Variants in SSBP2 observed in about 807,000 individuals in gnomAD.
SSBP2 encodes the protein single stranded DNA binding protein 2, also known as single-stranded DNA-binding protein 2.
SSBP2 carries 17 observed loss-of-function variants against 61.8 expected under a neutral mutation model. The observed-to-expected ratio is 0.28, with a 90% confidence interval of 0.19 to 0.41. The LOEUF (loss-of-function observed/expected upper bound fraction) is 0.41. Among genes scored for constraint, SSBP2 ranks in the 10% least tolerant of loss-of-function variants. The probability of loss-of-function intolerance (pLI) is 1.00; values close to 1 mark genes in which losing one functional copy is unlikely to be tolerated. For synonymous variants in SSBP2, 139 were observed against 141.3 expected, an observed-to-expected ratio of 0.98 and a Z score of 0.12; for missense variants, 310 against 458.7, an observed-to-expected ratio of 0.68 and a Z score of 2.96.
intron 4 of SSBP2, among the ~76,000 whole-genome samples, chr5:81,573,613 G>C (rs1773985978): frequency 6.6e-6 from 1 of 152,182 alleles, no homozygotes; most frequent in African/African-American, 2.4e-5. Context: ...GAAATTGCTA[G>C]TGCCCTTAGA....
chr5:81,459,891 G>A (rs1440102156), intron 10 of SSBP2, among the ~76,000 whole-genome samples: 1 of 152,164 alleles, frequency 6.6e-6, no homozygotes, highest in South Asian at 2.1e-4. Flanking sequence ...ACTATTTTAG[G>A]AGAAAGACTT....
intron 10 of SSBP2, among the ~76,000 whole-genome samples, chr5:81,460,189 T>C (rs1489364752): frequency 2.0e-5 from 3 of 152,198 alleles, no homozygotes; most frequent in Non-Finnish European, 2.9e-5. Flanking sequence ...CCAATGAAGA[T>C]ACCTTTGTAC....
intron 1 of SSBP2, among the ~76,000 whole-genome samples, chr5:81,712,269 C>A (rs1418660095): frequency 1.3e-5 from 2 of 151,744 alleles, no homozygotes; most frequent in Non-Finnish European, 2.9e-5. Flanking sequence ...CTGGCTTATA[C>A]CCTCCAGCCA....
intron 5 of SSBP2, among the ~76,000 whole-genome samples, chr5:81,492,058 C>T (rs2154056346): frequency 6.6e-6 from 1 of 152,164 alleles, no homozygotes; most frequent in East Asian, 1.9e-4. Context: ...AGTCAATTTG[C>T]TTTCAAATGA....
At chr5:81,537,731 C>A (rs1473860106) in intron 4 of SSBP2, among the ~76,000 whole-genome samples, 1 of 152,010 alleles carries the variant, frequency 6.6e-6, no homozygotes, top group East Asian at 1.9e-4. Flanking sequence ...TGAACCACAC[C>A]CATACAAGAC....
chr5:81,694,921 G>A (rs185978513), intron 1 of SSBP2, among the ~76,000 whole-genome samples: 79 of 152,246 alleles, frequency 5.2e-4, no homozygotes, highest in African/African-American at 1.8e-3. Flanking sequence ...GATTGTTTGA[G>A]CCCAGGAGTT....
At chr5:81,743,273 T>C (rs2154023754) in intron 1 of SSBP2, among the ~76,000 whole-genome samples, 1 of 152,220 alleles carries the variant, frequency 6.6e-6, no homozygotes, top group South Asian at 2.1e-4. Flanking sequence ...GATGCTAAGG[T>C]TTCCTCAATA....
rs543485882 is a variant in SSBP2, at chr5:81,730,591, C to T, written c.62+20390G>A. Among the ~76,000 whole-genome samples the T allele has an allele frequency of 2.6e-4, 40 of 151,994 alleles. 1 individual carries two copies. The South Asian group carries it at 6.9e-3, about 26-fold the overall frequency. On this transcript the variant is annotated intron_variant, in intron 1 of 16. Coordinates refer to ENST00000320672, the MANE Select transcript of SSBP2 (RefSeq NM_012446.5). ...ATCTACAGTTTTACTTGAGCTTCAG[C>T]GAAAAAGGCAGGAGATTCTCAAATA... is the stretch of plus-strand genomic sequence containing the variant.
chr5:81,533,213 T>C (rs1478388229), intron 4 of SSBP2, among the ~76,000 whole-genome samples: 1 of 151,792 alleles, frequency 6.6e-6, no homozygotes, highest in Non-Finnish European at 1.5e-5. Context: ...ATTAAACTAG[T>C]ACTAAAAAAC....
At chr5:81,437,136 T>G (rs991090565) in intron 15 of SSBP2, among the ~76,000 whole-genome samples, 1 of 151,312 alleles carries the variant, frequency 6.6e-6, no homozygotes, top group Non-Finnish European at 1.5e-5. Flanking sequence ...GCTTTACAAA[T>G]AAGTAACATC....
intron 1 of SSBP2, among the ~76,000 whole-genome samples, chr5:81,747,612 A>G (rs544265899): frequency 4.6e-5 from 7 of 151,990 alleles, no homozygotes; most frequent in Non-Finnish European, 8.8e-5. Flanking sequence ...GAGGTCACTG[A>G]AAAAAAATTT....
intron 1 of SSBP2, among the ~76,000 whole-genome samples, chr5:81,746,856 T>C (rs780451437): frequency 6.6e-6 from 1 of 152,132 alleles, no homozygotes; most frequent in Non-Finnish European, 1.5e-5. Flanking sequence ...AAGATCAAAT[T>C]AGTTTAATAA....
chr5:81,480,954 A>G (rs141548631), intron 6 of SSBP2, among the ~76,000 whole-genome samples: 4 of 152,338 alleles, frequency 2.6e-5, no homozygotes, highest in African/African-American at 9.6e-5. Flanking sequence ...ATTTCATATC[A>G]AGAAACCATT....
intron 3 of SSBP2, 70 bp from the exon 4 acceptor site, chr5:81,615,627 G>C: frequency 9.9e-7 from 1 of 1,012,318 alleles, no homozygotes; most frequent in Non-Finnish European, 1.5e-6. Flanking sequence ...AATTCCAAAA[G>C]TAGAAGACAT....
rs145805748 is a variant in SSBP2, at chr5:81,563,034, C to G, written c.283-49317G>C. ...CCCAACAGGGTTGTTTTGTAGAAAT[C>G]AAACACTGGAAATAGAAAAGAAGTA... On this transcript the variant is annotated intron_variant, in intron 4 of 16. Coordinates refer to ENST00000320672, the MANE Select transcript of SSBP2 (RefSeq NM_012446.5). 2.6e-3 allele frequency among the ~76,000 whole-genome samples: 400 copies of G among 152,184 alleles called. 1 individual carries two copies. The highest frequency in any genetic ancestry group is 8.6e-3 in the African/African-American group (356 of 41,548).
rs1187108646 is a variant in SSBP2, at chr5:81,730,016, C to A, written c.62+20965G>T. On this transcript the variant is annotated intron_variant, in intron 1 of 16. Coordinates refer to ENST00000320672, the MANE Select transcript of SSBP2 (RefSeq NM_012446.5). The stretch of plus-strand genomic sequence containing the variant: ...TTTTAATGTAAAAGATATAGGGTAA[C>A]AATTTTAGAAAATACAGATATACAA... Among the ~76,000 whole-genome samples, 4 of 152,016 alleles carry A rather than the reference C, an allele frequency of 2.6e-5. No individual in the cohort carries two copies. The South Asian group carries it at 6.2e-4, about 24-fold the overall frequency.
At chr5:81,684,170 C>G (rs1404342849) in intron 1 of SSBP2, among the ~76,000 whole-genome samples, 1 of 152,124 alleles carries the variant, frequency 6.6e-6, no homozygotes, top group Non-Finnish European at 1.5e-5. Flanking sequence ...GCAGCTTTAC[C>G]TACAATTGCC....
intron 1 of SSBP2, chr5:81,710,734 T>C: frequency 2.2e-6 from 1 of 453,384 alleles, no homozygotes; most frequent in South Asian, 1.6e-5. Flanking sequence ...GCATCACCCT[T>C]ACAAGAGTGA....
intron 5 of SSBP2, among the ~76,000 whole-genome samples, chr5:81,509,182 C>G (rs932399191): frequency 2.0e-5 from 3 of 152,132 alleles, no homozygotes; most frequent in Non-Finnish European, 4.4e-5. Context: ...CCTAGCCAGC[C>G]TTCTGGGCCT....
Sources: gnomAD v4.1 joint callset for allele counts (sites outside exome capture counted in the v4.1 genomes callset) on GRCh38, gnomAD v4.1.1 for gene constraint, MANE v1.5 for transcripts, NCBI Gene and HGNC (gene_info 2026-07-23, HGNC 2026-07-21) for gene names.